Variants in NDUFAF5 observed in about 807,000 individuals in gnomAD.
The protein encoded by NDUFAF5 is arginine-hydroxylase NDUFAF5, mitochondrial.
A neutral mutation model predicts 48.9 loss-of-function variants in NDUFAF5; 34 were observed. The observed-to-expected ratio is 0.70, with a 90% CI of 0.53 to 0.93. NDUFAF5 has a LOEUF of 0.93. NDUFAF5 is among the 40% of genes least tolerant of loss of function. The pLI is 0.00. For missense variants in NDUFAF5, 428 were observed against 427.5 expected (o/e 1.00, Z -0.01); for synonymous variants, 153 against 150.6 (o/e 1.02, Z -0.12).
chr20:13,798,545 T>A (rs368580132), intron 6 of NDUFAF5, 45 bp downstream of exon 6: 1 of 1,413,238 alleles, frequency 7.1e-7, no homozygotes, highest in South Asian at 1.2e-5. Context: ...TTATTTTCTT[T>A]ATTGTTAGAA....
intron 4 of NDUFAF5, 118 bp from the exon 5 acceptor site, chr20:13,794,720 G>C: frequency 1.4e-6 from 1 of 737,098 alleles, no homozygotes; most frequent in East Asian, 2.7e-5. Context: ...CCTTTGGGAA[G>C]GGGGGTAGAA....
Position 13,819,020 on chromosome 20 carries a change from AAAG to A in NDUFAF5, c.*1811_*1813del, listed in dbSNP as rs1287896115. The A allele has an allele frequency of 4.6e-5, 7 of 152,356 alleles. No individual in the cohort carries two copies. The highest frequency in any genetic ancestry group is 8.8e-5 in the Non-Finnish European group (6 of 68,036). 9.4% of individuals were successfully genotyped at this position (152,356 alleles called of 1,614,324 possible). A position where few individuals can be genotyped will look rare whatever the true frequency, so the allele number is the denominator to read the frequency against. ...TTACTCTACTCTGGCTATCCCAAAAAAAGCTCCATTTGTTTAAAAAAATTAAGT... is the reference window on the plus strand; with the variant it reads ...TTACTCTACTCTGGCTATCCCAAAAACTCCATTTGTTTAAAAAAATTAAGT... On this transcript the variant is annotated 3_prime_UTR_variant, in exon 11 of 11. Transcript: ENST00000378106.
At chr20:13,816,650 C>G (rs1224484972) in intron 9 of NDUFAF5, 104 bp downstream of exon 9, 1 of 936,416 alleles carries the variant, frequency 1.1e-6, no homozygotes, top group Non-Finnish European at 1.7e-6. Flanking sequence ...GTTAAGGCTC[C>G]CTCAGACTTC....
Position 13,788,596 on chromosome 20 carries a change from C to A in NDUFAF5, c.271C>A (p.Pro91Thr). 1 of 1,611,010 alleles carries A rather than the reference C, an allele frequency of 6.2e-7. No homozygotes were observed. Among genetic ancestry groups the A allele is most frequent in the Non-Finnish European group, 8.5e-7 (1 of 1,177,462 alleles). ...CTGTGTCTTTTTTTTTAGAAATTTC[C>A]CCCTTGCTTTGGATCTTGGTTGTGG... ...DRVYDIPRNF[P>T]LALDLGCGRG... The change falls in exon 3 of 11, where the codon CCC becomes ACC. Residue 91 changes from proline to threonine, a missense_variant. Physicochemically the swap from Pro to Thr is conservative, Grantham distance 38. Transcript: ENST00000378106.
intron 4 of NDUFAF5, among the ~76,000 whole-genome samples, chr20:13,794,218 T>C (rs1982802241): frequency 6.6e-6 from 1 of 152,182 alleles, no homozygotes; most frequent in East Asian, 1.9e-4. Flanking sequence ...AAGGGTAAAA[T>C]GTCCAGTCCA....
rs1986819463 is a variant in NDUFAF5 at position 13,819,311 on chromosome 20, A to G, written c.*2101A>G. On this transcript the variant is annotated 3_prime_UTR_variant, in exon 11 of 11. Coordinates refer to ENST00000378106, the MANE Select transcript of NDUFAF5 (RefSeq NM_024120.5). ...ATCAAAAATTTTTCATAAATGTTAC[A>G]TTCTTAAATGGTATATGATAAATAA... 6.6e-6 allele frequency: 1 copy of G among 152,188 alleles called. No individual in the cohort carries two copies. The highest frequency in any genetic ancestry group is 2.4e-5 in the African/African-American group (1 of 41,462). 9.4% of individuals were successfully genotyped at this position (152,188 alleles called of 1,614,324 possible). A position where few individuals can be genotyped will look rare whatever the true frequency, so the allele number is the denominator to read the frequency against.
intron 6 of NDUFAF5, among the ~76,000 whole-genome samples, chr20:13,800,482 A>T (rs947935246): frequency 6.6e-6 from 1 of 152,222 alleles, no homozygotes; most frequent in Non-Finnish European, 1.5e-5. Flanking sequence ...TAGTCAATCA[A>T]ACTAGTTACA....
chr20:13,800,622 G>A (rs528631386), intron 6 of NDUFAF5, among the ~76,000 whole-genome samples: 71 of 152,298 alleles, frequency 4.7e-4, no homozygotes, highest in Non-Finnish European at 8.8e-4. Context: ...TCTCTTTAAC[G>A]AAAGGTAATA....
intron 3 of NDUFAF5, 61 bp downstream of exon 3, chr20:13,788,713 G>T: frequency 9.3e-7 from 1 of 1,079,606 alleles, no homozygotes; most frequent in South Asian, 1.3e-5. Flanking sequence ...TTTAAAGAAA[G>T]ACTTTCCTAA....
At position 13,816,921 on chromosome 20, in the gene NDUFAF5, C is replaced by A; in HGVS notation, c.909C>A (p.Ile303=). ...GTTCAGTACCTGCTACATACCAGAT[C>A]TATTACATGATAGGATGGAAATATC... ...EDGSVPATYQ[I]YYMIGWKYHE... Residue 303 remains isoleucine (I), a synonymous_variant, in exon 10 of 11, where the codon ATC becomes ATA. Transcript: ENST00000378106. 1 of 1,609,444 alleles carries A rather than the reference C, an allele frequency of 6.2e-7. No homozygotes were observed.
intron 3 of NDUFAF5, among the ~76,000 whole-genome samples, chr20:13,789,033 A>G (rs982082512): frequency 1.3e-5 from 2 of 152,260 alleles, no homozygotes; most frequent in Non-Finnish European, 2.9e-5. Flanking sequence ...TTTCTGTATC[A>G]TTAAATATAA....
chr20:13,813,700 C>A (rs987310028), intron 8 of NDUFAF5, among the ~76,000 whole-genome samples: 3 of 152,178 alleles, frequency 2.0e-5, no homozygotes, highest in Non-Finnish European at 4.4e-5. Flanking sequence ...GCAAAAGAGG[C>A]AGCACCTAAA....
intron 4 of NDUFAF5, among the ~76,000 whole-genome samples, chr20:13,794,091 A>G (rs1982776118): frequency 2.0e-5 from 3 of 152,168 alleles, no homozygotes; most frequent in Admixed American, 2.0e-4. Context: ...TCAGTTGTTT[A>G]CATTGTTTAT....
intron 5 of NDUFAF5, among the ~76,000 whole-genome samples, chr20:13,796,272 T>C (rs1186386652): frequency 6.6e-6 from 1 of 152,196 alleles, no homozygotes; most frequent in Non-Finnish European, 1.5e-5. Flanking sequence ...TTTTTAGATG[T>C]GCTGAACAAA....
intron 7 of NDUFAF5, 60 bp from the exon 8 acceptor site, chr20:13,808,782 T>G: frequency 5.7e-6 from 7 of 1,220,818 alleles, no homozygotes; most frequent in Non-Finnish European, 8.4e-6. Flanking sequence ...GGCCTCTTTT[T>G]TAAATCTGGA....
At chr20:13,815,634 G>T (rs964856332) in intron 8 of NDUFAF5, among the ~76,000 whole-genome samples, 5 of 152,132 alleles carry the variant, frequency 3.3e-5, no homozygotes, top group Non-Finnish European at 7.4e-5. Context: ...TTATTCATTT[G>T]TTGATTTGTG....
chr20:13,786,938 A>G (rs1047444694), intron 1 of NDUFAF5, among the ~76,000 whole-genome samples: 1 of 152,166 alleles, frequency 6.6e-6, no homozygotes, highest in Non-Finnish European at 1.5e-5. Context: ...ATAAACCCCA[A>G]CTAACTAATT....
At chr20:13,789,777 C>T (rs1444580538) in intron 3 of NDUFAF5, among the ~76,000 whole-genome samples, 1 of 152,138 alleles carries the variant, frequency 6.6e-6, no homozygotes, top group African/African-American at 2.4e-5. Flanking sequence ...TGCCCAGCCT[C>T]ATAAAGTGGA....
chr20:13,799,204 T>C (rs549253771), intron 6 of NDUFAF5, among the ~76,000 whole-genome samples: 1 of 152,260 alleles, frequency 6.6e-6, no homozygotes, highest in Admixed American at 6.5e-5. Flanking sequence ...GATTTGAGTG[T>C]CAGGTTGAGG....
Sources: gnomAD v4.1 joint callset for allele counts (sites outside exome capture counted in the v4.1 genomes callset) on GRCh38, gnomAD v4.1.1 for gene constraint, MANE v1.5 for transcripts, NCBI Gene and HGNC (gene_info 2026-07-23, HGNC 2026-07-21) for gene names.